Variants in PCDHA11 observed in about 807,000 individuals in gnomAD.
PCDHA11 encodes protocadherin alpha 11, also known as protocadherin alpha-11.
A neutral mutation model predicts 70.3 loss-of-function variants in PCDHA11; 61 were observed. The observed-to-expected ratio is 0.87, with a 90% confidence interval of 0.71 to 1.07. The LOEUF (loss-of-function observed/expected upper bound fraction) is 1.07. Among genes scored for constraint, PCDHA11 ranks in the 50% least tolerant of loss-of-function variants. The probability of loss-of-function intolerance (pLI) is 0.00; values close to 1 mark genes in which losing one functional copy is unlikely to be tolerated. For synonymous variants in PCDHA11, 633 were observed against 555.1 expected (o/e 1.14, Z -1.97); for missense variants, 1,324 against 1,237.5 (o/e 1.07, Z -1.05).
At chr5:141,004,698 T>C (rs2098177351) in intron 3 of PCDHA11, among the ~76,000 whole-genome samples, 1 of 152,222 alleles carries the variant, frequency 6.6e-6, no homozygotes, top group East Asian at 1.9e-4. Context: ...AACCCAGTTT[T>C]AGGTGCCGAA....
At chr5:140,934,151 A>G (rs1478465122) in intron 1 of PCDHA11, among the ~76,000 whole-genome samples, 3 of 152,088 alleles carry the variant, frequency 2.0e-5, no homozygotes, top group African/African-American at 7.2e-5. Context: ...TTATATGTTT[A>G]TATTTCAGTG....
chr5:140,886,844 A>G (rs11748231), intron 1 of PCDHA11, among the ~76,000 whole-genome samples: 22,325 of 150,652 alleles, frequency 0.15, 1,711 homozygotes, highest in Middle Eastern at 0.2. Context: ...AAAAAAAAAA[A>G]AAAGAAAGGT....
intron 1 of PCDHA11, among the ~76,000 whole-genome samples, chr5:140,936,813 T>C (rs1299896116): frequency 6.6e-6 from 1 of 152,216 alleles, no homozygotes; most frequent in Non-Finnish European, 1.5e-5. Flanking sequence ...TTAGCTATTT[T>C]TGGCCCTTTG....
At chr5:140,982,816 G>A (rs970352633) in intron 3 of PCDHA11, among the ~76,000 whole-genome samples, 9 of 151,630 alleles carry the variant, frequency 5.9e-5, no homozygotes, top group Non-Finnish European at 1.0e-4. Flanking sequence ...TGTGTATGAA[G>A]TTTTTGGGGT....
In PCDHA11 at chr5:140,870,746, T is replaced by C. The variant is rs781831995; in HGVS notation, c.1643T>C (p.Val548Ala). 5.0e-6 allele frequency: 8 copies of C among 1,613,488 alleles called. No individual in the cohort carries two copies. The East Asian group carries it at 1.8e-4, about 36-fold the overall frequency. ...DAGVPPLSSN[V>A]TLQVFVLDEN... ...GGCGTGCCGCCTCTGAGCAGCAACG[T>C]GACGCTGCAGGTGTTCGTGCTGGAC... Residue 548 changes from valine (V) to alanine (A), a missense_variant, in exon 1 of 4, where the codon GTG (valine) becomes GCG (alanine). Val to Ala is a moderately conservative substitution (Grantham distance 64). Transcript: ENST00000398640.
chr5:140,884,396 C>CT, intron 1 of PCDHA11: 1 of 1,614,012 alleles, frequency 6.2e-7, no homozygotes, highest in South Asian at 1.1e-5. Flanking sequence ...GGTGTCCAGC[C>CT]TGTTGGTGCT....
chr5:140,902,798 T>C (rs1554190660), intron 1 of PCDHA11, among the ~76,000 whole-genome samples: 1 of 152,156 alleles, frequency 6.6e-6, no homozygotes, highest in Admixed American at 6.5e-5. Context: ...CACTTGTATG[T>C]GAGAATATAC....
chr5:140,962,787 C>T (rs2095707732), intron 1 of PCDHA11, among the ~76,000 whole-genome samples: 1 of 152,224 alleles, frequency 6.6e-6, no homozygotes, highest in Non-Finnish European at 1.5e-5. Context: ...TTTTTAAAAA[C>T]TACTTTGGAC....
In PCDHA11 at chr5:141,006,613, A is replaced by G. The variant is rs543043401; in HGVS notation, c.2540-3014A>G. 2.0e-5 allele frequency among the ~76,000 whole-genome samples: 3 copies of G among 152,308 alleles called. No individual in the cohort carries two copies. In the South Asian group the frequency reaches 6.2e-4, roughly 32 times the overall value. Reference sequence around the variant, plus strand: ...AGCAAAAGTGGAAGCAGACTGAATAAGGAGACTATTGCTGCAATTCATATA... The same window carrying G: ...AGCAAAAGTGGAAGCAGACTGAATAGGGAGACTATTGCTGCAATTCATATA... On this transcript the variant is annotated intron_variant, in intron 3 of 3. Coordinates refer to ENST00000398640, the MANE Select transcript of PCDHA11 (RefSeq NM_018902.5).
intron 3 of PCDHA11, among the ~76,000 whole-genome samples, chr5:141,009,383 C>T (rs2098407441): frequency 6.6e-6 from 1 of 152,198 alleles, no homozygotes; most frequent in African/African-American, 2.4e-5. Flanking sequence ...TGATTGAGCA[C>T]AGGAGGTCGA....
At chr5:140,887,776 G>T (rs2061574225) in intron 1 of PCDHA11, among the ~76,000 whole-genome samples, 1 of 152,036 alleles carries the variant, frequency 6.6e-6, no homozygotes, top group Non-Finnish European at 1.5e-5. Context: ...CAATGACACA[G>T]GTCATTGAAG....
intron 1 of PCDHA11, chr5:140,930,231 A>C (rs1234850185): frequency 6.6e-6 from 1 of 152,238 alleles, no homozygotes; most frequent in South Asian, 2.1e-4. Context: ...TGCACTTACC[A>C]TCCAAAGTCC....
intron 1 of PCDHA11, among the ~76,000 whole-genome samples, chr5:140,941,239 C>CTTTCTTTCT (rs2092936825): frequency 7.4e-6 from 1 of 134,500 alleles, no homozygotes; most frequent in South Asian, 2.4e-4. Context: ...TTCTTTCTTT[C>CTTTCTTTCT]TTTCTTTCTT....
At chr5:140,939,262 T>G (rs1371349789) in intron 1 of PCDHA11, among the ~76,000 whole-genome samples, 1 of 152,146 alleles carries the variant, frequency 6.6e-6, no homozygotes, top group Non-Finnish European at 1.5e-5. Context: ...GGAACCTCTT[T>G]TATGAGAGCT....
rs1414020840 is a variant in PCDHA11, at chr5:140,920,855, AAAAC to A, written c.2391+49370_2391+49373del. On this transcript the variant is annotated intron_variant, in intron 1 of 3. Transcript: ENST00000398640. ...AAGACCAAATCTAAAAAAAAAAAAA[AAAAC>A]AAACAAACTGTGGCCCTTAGAACTT... Among the ~76,000 whole-genome samples the A allele has an allele frequency of 3.9e-5, 6 of 152,094 alleles. No homozygotes were observed. The East Asian group carries it at 5.8e-4, about 15-fold the overall frequency.
chr5:140,962,216 G>C (rs554182128), intron 1 of PCDHA11, among the ~76,000 whole-genome samples: 2 of 152,170 alleles, frequency 1.3e-5, no homozygotes, highest in African/African-American at 4.8e-5. Context: ...TATTGATCTT[G>C]AGGTTCAAGT....
In PCDHA11 at chr5:140,871,059, T is replaced by A. The variant is rs781936875; in HGVS notation, c.1956T>A (p.Asp652Glu). 4.3e-6 allele frequency: 7 copies of A among 1,613,256 alleles called. No homozygotes were observed. In the South Asian group the frequency reaches 7.7e-5, roughly 18 times the overall value. Residue 652 changes from aspartate to glutamate, a missense_variant, in exon 1 of 4, where the codon GAT (aspartate) becomes GAA (glutamate). Asp to Glu is a conservative substitution (Grantham distance 45). Transcript: ENST00000398640. ...PRHRLLVLVKDHGEPALTATA... is the reference protein window; with the variant it reads ...PRHRLLVLVKEHGEPALTATA... ...ACCGACTTCTAGTACTGGTGAAGGA[T>A]CACGGTGAGCCGGCGCTGACGGCCA...
chr5:140,884,012 C>T, intron 1 of PCDHA11: 1 of 1,613,134 alleles, frequency 6.2e-7, no homozygotes, highest in Non-Finnish European at 8.5e-7. Context: ...CGAGCTGATG[C>T]CGCGGTCGGT....
chr5:140,995,237 T>G (rs1242320046), intron 3 of PCDHA11, among the ~76,000 whole-genome samples: 1 of 152,148 alleles, frequency 6.6e-6, no homozygotes, highest in African/African-American at 2.4e-5. Context: ...GGGCCAGTAT[T>G]AAGTAAAATA....
Sources: gnomAD v4.1 joint callset for allele counts (sites outside exome capture counted in the v4.1 genomes callset) on GRCh38, gnomAD v4.1.1 for gene constraint, MANE v1.5 for transcripts, NCBI Gene and HGNC (gene_info 2026-07-23, HGNC 2026-07-21) for gene names.